The following KANK4 variants were observed in gnomAD, a reference collection of about 807,000 sequenced individuals.
KANK4 encodes the protein KN motif and ankyrin repeat domain-containing protein 4.
A neutral mutation model predicts 80.8 loss-of-function variants in KANK4; 50 were observed. The observed-to-expected ratio is 0.62, with a 90% CI of 0.49 to 0.78. The LOEUF (loss-of-function observed/expected upper bound fraction) is 0.78. KANK4 is among the 30% of genes least tolerant of loss of function. The pLI, the probability that KANK4 is intolerant of heterozygous loss-of-function variation, is 0.00. For synonymous variants in KANK4, 465 were observed against 506.9 expected, an observed-to-expected ratio of 0.92 and a Z score of 1.11; for missense variants, 1,196 against 1,240.1, an observed-to-expected ratio of 0.96 and a Z score of 0.53.
chr1:62,262,940 C>T (rs1343566184), intron 7 of KANK4, 152 bp downstream of exon 7: 14 of 678,150 alleles, frequency 2.1e-5, no homozygotes, highest in Non-Finnish European at 3.6e-5. Context: ...GATGGGTATA[C>T]TACAAGACCA....
intron 7 of KANK4, among the ~76,000 whole-genome samples, chr1:62,257,560 A>T (rs1671781580): frequency 6.6e-6 from 1 of 152,218 alleles, no homozygotes; most frequent in South Asian, 2.1e-4. Flanking sequence ...GAGCCGGCAG[A>T]GGTGCACTCT....
At chr1:62,258,200 A>G (rs1671794358) in intron 7 of KANK4, among the ~76,000 whole-genome samples, 1 of 152,206 alleles carries the variant, frequency 6.6e-6, no homozygotes, top group South Asian at 2.1e-4. Context: ...CTGCTTCACA[A>G]TTCCTGCATG....
intron 4 of KANK4, among the ~76,000 whole-genome samples, chr1:62,270,074 A>C (rs1022393475): frequency 1.3e-5 from 2 of 152,176 alleles, no homozygotes; most frequent in Non-Finnish European, 2.9e-5. Flanking sequence ...TTTAGCAGGG[A>C]AACAGCAAGT....
Position 62,274,720 on chromosome 1 carries a change from G to A in KANK4, c.384C>T (p.His128=). The A allele has an allele frequency of 6.2e-7, 1 of 1,614,202 alleles. No homozygotes were observed. The highest frequency in any genetic ancestry group is 8.5e-7 in the Non-Finnish European group (1 of 1,180,036). ...ASTSRSEVSY[H]RKALLAEATR... is the part of the protein sequence containing the mutation. ...TGGCCTCTGCCAACAGAGCCTTCCTGTGGTAGCTCACCTCACTCCTGCTTG... is the reference window on the plus strand; with the variant it reads ...TGGCCTCTGCCAACAGAGCCTTCCTATGGTAGCTCACCTCACTCCTGCTTG... The change falls in exon 3 of 10, where the codon CAC becomes CAT. Residue 128 remains histidine (H), a synonymous_variant. Coordinates refer to ENST00000371153, the MANE Select transcript of KANK4 (RefSeq NM_181712.5).
rs572499489 is a variant in KANK4, at chr1:62,260,066, T to C, written c.2539+3026A>G. 7.9e-5 allele frequency among the ~76,000 whole-genome samples: 12 copies of C among 152,164 alleles called. No homozygotes were observed. The South Asian group carries it at 2.5e-3, about 32-fold the overall frequency. On this transcript the variant is annotated intron_variant, in intron 7 of 9. Transcript: ENST00000371153. ...CACTTTCCTGAGGAGATCGAGGCCA[T>C]CTGAGGCCAGTGGCCTCCACCTCCC...
At chr1:62,251,991 CAA>C (rs11454026) in intron 8 of KANK4, among the ~76,000 whole-genome samples, 5 of 125,780 alleles carry the variant, frequency 4.0e-5, no homozygotes, top group Non-Finnish European at 4.9e-5. Context: ...GACTCCGTTT[CAA>C]AAAAAAAAAA....
At chr1:62,313,995 T>TTTTTG (rs974757944) in intron 1 of KANK4, among the ~76,000 whole-genome samples, 7 of 152,132 alleles carry the variant, frequency 4.6e-5, no homozygotes, top group African/African-American at 1.4e-4. Flanking sequence ...CCATTCCGTC[T>TTTTTG]TTTTGTTTTG....
At chr1:62,262,355 A>G (rs896956159) in intron 7 of KANK4, among the ~76,000 whole-genome samples, 6 of 152,136 alleles carry the variant, frequency 3.9e-5, no homozygotes, top group Non-Finnish European at 8.8e-5. Flanking sequence ...AAACACAGGC[A>G]AAGTGGTCTA....
chr1:62,273,040 C>T (rs1170651116), intron 3 of KANK4, among the ~76,000 whole-genome samples, 164 bp downstream of exon 3: 1 of 152,162 alleles, frequency 6.6e-6, no homozygotes, highest in Non-Finnish European at 1.5e-5. Flanking sequence ...ATCTTCCCAC[C>T]TCCGCCTCCC....
intron 9 of KANK4, among the ~76,000 whole-genome samples, chr1:62,240,874 A>C (rs1303128838): frequency 6.6e-6 from 1 of 152,136 alleles, no homozygotes; most frequent in Non-Finnish European, 1.5e-5. Flanking sequence ...GAGCAGCTGC[A>C]GTCTCTTATG....
chr1:62,311,980 C>A (rs987054601), intron 1 of KANK4, among the ~76,000 whole-genome samples: 1 of 152,180 alleles, frequency 6.6e-6, no homozygotes, highest in Non-Finnish European at 1.5e-5. Flanking sequence ...AGCTTACTGA[C>A]TTCCTGTCGG....
intron 9 of KANK4, among the ~76,000 whole-genome samples, chr1:62,245,788 A>T (rs1312588222): frequency 6.6e-6 from 1 of 152,154 alleles, no homozygotes; most frequent in Non-Finnish European, 1.5e-5. Context: ...AAATATTATT[A>T]TATCTACTGT....
At chr1:62,292,701 G>C (rs1463892498) in intron 1 of KANK4, among the ~76,000 whole-genome samples, 1 of 152,148 alleles carries the variant, frequency 6.6e-6, no homozygotes, top group East Asian at 1.9e-4. Context: ...AGAAATCTCA[G>C]TTTGATATAT....
At chr1:62,239,203 G>A (rs1671281982) in intron 9 of KANK4, among the ~76,000 whole-genome samples, 1 of 151,646 alleles carries the variant, frequency 6.6e-6, no homozygotes, top group African/African-American at 2.4e-5. Flanking sequence ...ATCCTGTCCT[G>A]TCCTGCACCT....
rs751940632 is a variant in KANK4, at chr1:62,292,175, A to G, written c.-70-10541T>C. On this transcript the variant is annotated intron_variant, in intron 1 of 9. Coordinates refer to ENST00000371153, the MANE Select transcript of KANK4 (RefSeq NM_181712.5). Reference sequence around the variant, plus strand: ...TGATCTTTTGTGACTAGCTTCTTTCACTTAACATGATGTTTTCAAGGTTCA... The same window carrying G: ...TGATCTTTTGTGACTAGCTTCTTTCGCTTAACATGATGTTTTCAAGGTTCA... Among the ~76,000 whole-genome samples, 8 of 152,092 alleles carry G rather than the reference A, an allele frequency of 5.3e-5. 1 individual carries two copies. Among genetic ancestry groups the G allele is most frequent in the Non-Finnish European group, 7.4e-5 (5 of 68,010 alleles).
intron 9 of KANK4, among the ~76,000 whole-genome samples, chr1:62,246,856 G>A (rs1049293201): frequency 7.2e-5 from 11 of 151,944 alleles, no homozygotes; most frequent in South Asian, 2.1e-4. Flanking sequence ...TGCCTCCCAC[G>A]TTCAAGCGGT....
intron 4 of KANK4, among the ~76,000 whole-genome samples, chr1:62,270,344 C>G (rs576455560): frequency 1.3e-5 from 2 of 151,908 alleles, no homozygotes; most frequent in Non-Finnish European, 2.9e-5. Flanking sequence ...GAACAGCAAC[C>G]CTCCTGTGAC....
At chr1:62,280,818 T>C (rs1672435559) in intron 2 of KANK4, among the ~76,000 whole-genome samples, 1 of 152,228 alleles carries the variant, frequency 6.6e-6, no homozygotes, top group Non-Finnish European at 1.5e-5. Context: ...TGTCAACTGT[T>C]TGCAAAGATA....
At chr1:62,242,471 C>G (rs923960660) in intron 9 of KANK4, among the ~76,000 whole-genome samples, 4 of 148,072 alleles carry the variant, frequency 2.7e-5, no homozygotes, top group Admixed American at 2.7e-4. Context: ...TCTTTGAATT[C>G]ATCACTAGTC....
Sources: gnomAD v4.1 joint callset for allele counts (sites outside exome capture counted in the v4.1 genomes callset) on GRCh38, gnomAD v4.1.1 for gene constraint, MANE v1.5 for transcripts, NCBI Gene and HGNC (gene_info 2026-07-23, HGNC 2026-07-21) for gene names.